ADAM19: variants seen among roughly 807,000 people sequenced by gnomAD.
ADAM19 encodes ADAM metallopeptidase domain 19, also known as disintegrin and metalloproteinase domain-containing protein 19.
Under a neutral mutation model 114.7 loss-of-function variants are expected in ADAM19, and 65 were observed. That is an observed-to-expected ratio of 0.57 (90% CI 0.46 to 0.70). The LOEUF (loss-of-function observed/expected upper bound fraction) is 0.70. Ranked by LOEUF, ADAM19 falls within the 30% of genes least tolerant of loss-of-function variation. The probability of loss-of-function intolerance (pLI) is 0.00; values close to 1 mark genes in which losing one functional copy is unlikely to be tolerated. For synonymous variants in ADAM19, 466 were observed against 460.5 expected (o/e 1.01, Z -0.15); for missense variants, 1,063 against 1,204.7 (o/e 0.88, Z 1.74).
chr5:157,564,523 C>T (rs549952619), intron 2 of ADAM19, 80 bp from the exon 3 acceptor site: 29 of 1,184,240 alleles, frequency 2.4e-5, no homozygotes, highest in Middle Eastern at 2.1e-4. Context: ...TCTAGCACAG[C>T]GCTCCAACAT....
At position 157,485,970 on chromosome 5, in the gene ADAM19, C is replaced by T. The variant is rs145908732; in HGVS notation, c.2550+2295G>A. Among the ~76,000 whole-genome samples the T allele has an allele frequency of 2.4e-3, 373 of 152,372 alleles. 2 individuals are homozygous for T. Among genetic ancestry groups the T allele is most frequent in the African/African-American group, 8.4e-3 (349 of 41,590 alleles). ...TGGAGGCAAAGCTGCCATCTGCCTT[C>T]CTCGTCATTGCCTGGCCCAGAGTGC... On this transcript the variant is annotated intron_variant, in intron 21 of 22. Coordinates refer to ENST00000257527, the MANE Select transcript of ADAM19 (RefSeq NM_033274.5).
intron 12 of ADAM19, among the ~76,000 whole-genome samples, chr5:157,500,264 G>A (rs906420171): frequency 2.0e-5 from 3 of 152,066 alleles, no homozygotes; most frequent in Non-Finnish European, 4.4e-5. Context: ...AGCCTCCCAA[G>A]TAGCTGGGAC....
chr5:157,530,670 T>C, intron 5 of ADAM19, 137 bp downstream of exon 5: 1 of 669,708 alleles, frequency 1.5e-6, no homozygotes, highest in Non-Finnish European at 2.6e-6. Context: ...CCTCCCAGGC[T>C]CAGCCCCTCT....
intron 5 of ADAM19, among the ~76,000 whole-genome samples, chr5:157,522,225 G>A (rs1384055844): frequency 6.6e-6 from 1 of 152,216 alleles, no homozygotes; most frequent in African/African-American, 2.4e-5. Context: ...GGAAAACAAA[G>A]GCTCAGCAAG....
intron 12 of ADAM19, among the ~76,000 whole-genome samples, chr5:157,499,891 G>C (rs772324250): frequency 6.7e-6 from 1 of 149,102 alleles, no homozygotes; most frequent in Non-Finnish European, 1.5e-5. Flanking sequence ...CGATTCTCCC[G>C]CCTCAGCCTC....
Position 157,575,759 on chromosome 5 carries a change from G to A in ADAM19, c.-63C>T. 8.4e-7 allele frequency: 1 copy of A among 1,184,212 alleles called. No individual in the cohort carries two copies. Among genetic ancestry groups the A allele is most frequent in the Non-Finnish European group, 1.1e-6 (1 of 940,240 alleles). The allele number at this position is 1,184,212 out of a possible 1,614,324, so 73.4% of individuals were successfully genotyped here. A position where few individuals can be genotyped will look rare whatever the true frequency, so the allele number is the denominator to read the frequency against. ...CTCAGCCATACCTGCCCACTGCCCG[G>A]CGGTGGAGGCGCGTCTGGAACCCCC... On this transcript the variant is annotated 5_prime_UTR_variant, in exon 1 of 23. Coordinates refer to ENST00000257527, the MANE Select transcript of ADAM19 (RefSeq NM_033274.5).
chr5:157,536,043 A>C (rs1291844224), intron 4 of ADAM19, among the ~76,000 whole-genome samples: 1 of 152,224 alleles, frequency 6.6e-6, no homozygotes, highest in African/African-American at 2.4e-5. Context: ...CTCCCTGGGG[A>C]TGAGAAGACA....
chr5:157,565,917 T>C (rs1757647314), intron 2 of ADAM19: 1 of 152,036 alleles, frequency 6.6e-6, no homozygotes, highest in Non-Finnish European at 1.5e-5. Context: ...AAAACCAGCC[T>C]GACCAACATG....
At chr5:157,506,167 CG>C (rs1244117287) in intron 10 of ADAM19, among the ~76,000 whole-genome samples, 11 of 152,120 alleles carry the variant, frequency 7.2e-5, no homozygotes, top group Non-Finnish European at 1.0e-4. Context: ...ATAGAAAACA[CG>C]ACCTTGATTC....
chr5:157,575,484 G>A, intron 1 of ADAM19, 119 bp downstream of exon 1: 2 of 675,616 alleles, frequency 3.0e-6, no homozygotes, highest in Non-Finnish European at 2.2e-6. Flanking sequence ...CGGCGGGGGC[G>A]CAGGCCCCGC....
At chr5:157,564,508 C>T in intron 2 of ADAM19, 65 bp from the exon 3 acceptor site, 1 of 1,366,578 alleles carries the variant, frequency 7.3e-7, no homozygotes, top group South Asian at 1.2e-5. Flanking sequence ...GGGTCGGGCA[C>T]AGGATCTAGC....
In ADAM19 at chr5:157,574,192, A is replaced by G. The variant is rs11465236; in HGVS notation, c.94+1411T>C. 2.2e-3 allele frequency among the ~76,000 whole-genome samples: 332 copies of G among 152,220 alleles called. 2 individuals are homozygous for G. The highest frequency in any genetic ancestry group is 7.7e-3 in the African/African-American group (321 of 41,554). The stretch of plus-strand genomic sequence containing the variant: ...GAAAAAAAACAAAATATCAACAGCA[A>G]CTGTGGATTTGGGGGTTGCAGATCA... On this transcript the variant is annotated intron_variant, in intron 1 of 22. Coordinates refer to ENST00000257527, the MANE Select transcript of ADAM19 (RefSeq NM_033274.5).
intron 11 of ADAM19, among the ~76,000 whole-genome samples, chr5:157,503,346 G>A (rs993303288): frequency 6.6e-6 from 1 of 152,152 alleles, no homozygotes. Context: ...CTGTTGTAGG[G>A]TAGCAAGAGG....
rs535308030 is a variant in ADAM19 at position 157,532,050 on chromosome 5, T to A, written c.331-1167A>T. On this transcript the variant is annotated intron_variant, in intron 4 of 22. Transcript: ENST00000257527. ...CCTAGGAAACAAACACTCCCTACTC[T>A]TCCACAGCTCAAGATGCTCTTTCAC... Among the ~76,000 whole-genome samples the A allele has an allele frequency of 3.9e-5, 6 of 152,340 alleles. No homozygotes were observed. In the South Asian group the frequency reaches 1.2e-3, roughly 32 times the overall value.
At chr5:157,550,684 T>TA (rs1757169390) in intron 3 of ADAM19, among the ~76,000 whole-genome samples, 1 of 118,546 alleles carries the variant, frequency 8.4e-6, no homozygotes, top group African/African-American at 4.4e-5. Context: ...TAAAGCTGTT[T>TA]GGAAAAAAAA....
At chr5:157,491,562 A>C in intron 18 of ADAM19, 53 bp downstream of exon 18, 1 of 1,294,760 alleles carries the variant, frequency 7.7e-7, no homozygotes, top group Non-Finnish European at 1.0e-6. Context: ...CCTGCCCCTG[A>C]TGCCCGCTCT....
intron 13 of ADAM19, among the ~76,000 whole-genome samples, chr5:157,498,799 A>C (rs1755454696): frequency 6.6e-6 from 1 of 151,854 alleles, no homozygotes; most frequent in Non-Finnish European, 1.5e-5. Context: ...ACACCTTCTG[A>C]TCAAACATAT....
chr5:157,566,764 C>A (rs1561560237), intron 2 of ADAM19: 1 of 152,196 alleles, frequency 6.6e-6, no homozygotes, highest in Non-Finnish European at 1.5e-5. Flanking sequence ...CGGCTCACTG[C>A]AGCCTCAACC....
At chr5:157,530,288 G>A (rs1756588680) in intron 5 of ADAM19, among the ~76,000 whole-genome samples, 1 of 152,110 alleles carries the variant, frequency 6.6e-6, no homozygotes, top group Non-Finnish European at 1.5e-5. Context: ...CCAGGTATAG[G>A]ACAACTAAGG....
Sources: gnomAD v4.1 joint callset for allele counts (sites outside exome capture counted in the v4.1 genomes callset) on GRCh38, gnomAD v4.1.1 for gene constraint, MANE v1.5 for transcripts, NCBI Gene and HGNC (gene_info 2026-07-23, HGNC 2026-07-21) for gene names.